Variants in GALNT12 observed in about 807,000 individuals in gnomAD.
GALNT12 encodes the protein polypeptide N-acetylgalactosaminyltransferase 12.
GALNT12 carries 45 observed loss-of-function variants against 55.5 expected under a neutral mutation model. That is an observed-to-expected ratio of 0.81 (90% CI 0.64 to 1.04). The LOEUF is 1.04. Among genes scored for constraint, GALNT12 ranks in the 50% least tolerant of loss-of-function variants. The pLI is 0.00. For missense variants in GALNT12, 709 were observed against 754.8 expected (o/e 0.94, Z 0.71); for synonymous variants, 304 against 312.2 (o/e 0.97, Z 0.28).
At chr9:98,828,684 T>G (rs1835918586) in intron 3 of GALNT12, among the ~76,000 whole-genome samples, 1 of 152,208 alleles carries the variant, frequency 6.6e-6, no homozygotes, top group Non-Finnish European at 1.5e-5. Flanking sequence ...TTTTAATTGT[T>G]GTGGGTAAAT....
chr9:98,817,526 C>T (rs896326339), intron 1 of GALNT12, among the ~76,000 whole-genome samples: 9 of 151,944 alleles, frequency 5.9e-5, no homozygotes, highest in African/African-American at 1.9e-4. Flanking sequence ...TGCAATGGCG[C>T]GATCTTGGCT....
At chr9:98,848,625 G>A in intron 9 of GALNT12, 1 of 376,232 alleles carries the variant, frequency 2.7e-6, no homozygotes, top group South Asian at 2.3e-5. Flanking sequence ...TGACCTAAGA[G>A]GAGTGAAAGA....
chr9:98,840,911 T>C (rs1311986800), intron 7 of GALNT12, among the ~76,000 whole-genome samples: 1 of 152,342 alleles, frequency 6.6e-6, no homozygotes, highest in East Asian at 1.9e-4. Flanking sequence ...CTCCTCTGCA[T>C]TTTATGCATT....
intron 1 of GALNT12, among the ~76,000 whole-genome samples, chr9:98,820,338 CAT>C (rs1190350328): frequency 3.3e-5 from 5 of 152,154 alleles, no homozygotes. Flanking sequence ...AAAGTGAGAA[CAT>C]GTGGTATTTG....
chr9:98,836,880 C>T, intron 5 of GALNT12, 92 bp from the exon 6 acceptor site: 4 of 1,371,250 alleles, frequency 2.9e-6, no homozygotes, highest in African/African-American at 2.8e-5. Context: ...TCCATCATGC[C>T]TTGCGTGTGC....
chr9:98,848,921 G>T, intron 9 of GALNT12, 31 bp from the exon 10 acceptor site: 3 of 1,613,906 alleles, frequency 1.9e-6, no homozygotes, highest in South Asian at 1.1e-5. Flanking sequence ...CTTTTCTGAT[G>T]ACTTGCCTGT....
At chr9:98,821,624 C>CAAAAAAAAAAAAAAAAATA (rs11467276) in intron 1 of GALNT12, among the ~76,000 whole-genome samples, 1 of 112,030 alleles carries the variant, frequency 8.9e-6, no homozygotes. Context: ...GACTCCATCT[C>CAAAAAAAAAAAAAAAAATA]AAAAAAAAAA....
rs534734119 is a variant in GALNT12, at chr9:98,847,115, G to A, written c.1605+992G>A. 8 of 152,222 alleles carry A rather than the reference G, an allele frequency of 5.3e-5. No individual in the cohort carries two copies. The South Asian group carries it at 1.0e-3, about 20-fold the overall frequency. 9.4% of individuals were successfully genotyped at this position (152,222 alleles called of 1,614,324 possible). ...CAGCTTGCATCAGGACTTGTAAATC[G>A]ATCATATCCTTTGACTCACTAAAAA... On this transcript the variant is annotated intron_variant, in intron 9 of 9. Coordinates refer to ENST00000375011, the MANE Select transcript of GALNT12 (RefSeq NM_024642.5).
chr9:98,849,331 T>G lies in GALNT12; in HGVS notation c.*239T>G. On this transcript the variant is annotated 3_prime_UTR_variant, in exon 10 of 10. Coordinates refer to ENST00000375011, the MANE Select transcript of GALNT12 (RefSeq NM_024642.5). ...ATACCCTATTTTCAAAGGGTAATCG[T>G]AAGATGTTAACCCTTGGTATTTAGA... 1.7e-6 allele frequency: 1 copy of G among 601,024 alleles called. No individual in the cohort carries two copies. The highest frequency in any genetic ancestry group is 2.1e-5 in the South Asian group (1 of 48,378). 37.2% of individuals were successfully genotyped at this position (601,024 alleles called of 1,614,324 possible). A position where few individuals can be genotyped will look rare whatever the true frequency, so the allele number is the denominator to read the frequency against.
chr9:98,839,959 G>T, intron 6 of GALNT12, 43 bp from the exon 7 acceptor site: 1 of 1,613,154 alleles, frequency 6.2e-7, no homozygotes, highest in South Asian at 1.1e-5. Context: ...TTGAAAGGAA[G>T]CACTAGGACC....
At chr9:98,818,476 C>T (rs373453999) in intron 1 of GALNT12, among the ~76,000 whole-genome samples, 257 of 152,192 alleles carry the variant, frequency 1.7e-3, no homozygotes, top group African/African-American at 5.9e-3. Context: ...CTGCCGGCCT[C>T]GGCCTTCCAA....
chr9:98,849,082 G>C lies in GALNT12; in HGVS notation c.1736G>C (p.Arg579Pro), dbSNP rs367620732. The C allele has an allele frequency of 6.2e-7, 1 of 1,614,142 alleles. No homozygotes were observed. Among genetic ancestry groups the C allele is most frequent in the Non-Finnish European group, 8.5e-7 (1 of 1,180,016 alleles). Residue 579 changes from arginine (R) to proline (P), a missense_variant, in exon 10 of 10, where the codon CGC becomes CCC. Around this residue, in one of 5 missense-constraint regions of GALNT12, gnomAD observed 262 missense variants for 310.7 expected, o/e 0.84. Transcript: ENST00000375011. Reference sequence around the variant, plus strand: ...CATCAGAAATGGTTCTTCAAAGAGCGCATGTTATGAAGCCTCGTGTATCAA... The same window carrying C: ...CATCAGAAATGGTTCTTCAAAGAGCCCATGTTATGAAGCCTCGTGTATCAA... ...SDHQKWFFKE[R>P]ML
rs1033932235 is a variant in GALNT12, at chr9:98,820,475, C to T, written c.372-2781C>T. ...CATTCCGTGGTCTACATATATACCACATTTTCTTTATCCAGTCTATCATTG... is the reference window on the plus strand; with the variant it reads ...CATTCCGTGGTCTACATATATACCATATTTTCTTTATCCAGTCTATCATTG... On this transcript the variant is annotated intron_variant, in intron 1 of 9. Coordinates refer to ENST00000375011, the MANE Select transcript of GALNT12 (RefSeq NM_024642.5). Among the ~76,000 whole-genome samples the T allele has an allele frequency of 2.6e-5, 4 of 152,210 alleles. No individual in the cohort carries two copies. The South Asian group carries it at 6.2e-4, about 24-fold the overall frequency.
chr9:98,823,827 G>C (rs1183297951), intron 2 of GALNT12, among the ~76,000 whole-genome samples: 1 of 152,194 alleles, frequency 6.6e-6, no homozygotes, highest in Admixed American at 6.5e-5. Context: ...GCGGGGAATG[G>C]CCAATGGCAG....
Position 98,826,852 on chromosome 9 carries a change from G to A in GALNT12, c.642G>A (p.Leu214=). 6.2e-7 allele frequency: 1 copy of A among 1,607,924 alleles called. No individual in the cohort carries two copies. Among genetic ancestry groups the A allele is most frequent in the South Asian group, 1.1e-5 (1 of 89,772 alleles). Residue 214 remains leucine (L), a synonymous_variant, in exon 3 of 10, where the codon CTG becomes CTA. Coordinates refer to ENST00000375011, the MANE Select transcript of GALNT12 (RefSeq NM_024642.5). ...KREGLVRARL[L]GASAARGDVL... ...AGGGCCTGGTGCGAGCCCGGCTGCTGGGGGCGTCTGCGGCGAGGGGCGATG... is the reference window on the plus strand; with the variant it reads ...AGGGCCTGGTGCGAGCCCGGCTGCTAGGGGCGTCTGCGGCGAGGGGCGATG...
In GALNT12 at chr9:98,831,868, C is replaced by T. The variant is rs768925908; in HGVS notation, c.828C>T (p.Ile276=). 58 of 1,614,010 alleles carry T rather than the reference C, an allele frequency of 3.6e-5. No individual in the cohort carries two copies. Among genetic ancestry groups the T allele is most frequent in the East Asian group, 4.5e-5 (2 of 44,870 alleles). Residue 276 remains isoleucine, a synonymous_variant, in exon 4 of 10, where the codon ATC becomes ATT. Coordinates refer to ENST00000375011, the MANE Select transcript of GALNT12 (RefSeq NM_024642.5). ...TGGGGAACTCCGGGGAGCCCCAGAT[C>T]GGCGGTTTCGACTGGAGGCTGGTGT... The part of the protein sequence containing the change: ...EYLGNSGEPQ[I]GGFDWRLVFT...
intron 1 of GALNT12, among the ~76,000 whole-genome samples, chr9:98,816,847 C>A (rs1235316713): frequency 7.8e-6 from 1 of 128,218 alleles, no homozygotes; most frequent in Non-Finnish European, 1.6e-5. Flanking sequence ...TTTTGAGACA[C>A]AGTCTTGCTC....
intron 2 of GALNT12, 27 bp from the exon 3 acceptor site, chr9:98,826,725 C>G (rs760779430): frequency 1.2e-6 from 2 of 1,605,308 alleles, no homozygotes; most frequent in Admixed American, 1.7e-5. Flanking sequence ...GTCACGGTGA[C>G]CCCTGTTGCT....
chr9:98,808,270 A>T (rs543376469), intron 1 of GALNT12, among the ~76,000 whole-genome samples: 1 of 152,244 alleles, frequency 6.6e-6, no homozygotes, highest in African/African-American at 2.4e-5. Context: ...AAAAAAAATT[A>T]CCAGAAATTG....
Sources: allele counts gnomAD v4.1 joint callset (sites outside exome capture counted in the v4.1 genomes callset), GRCh38; gene constraint gnomAD v4.1.1; regional missense constraint gnomAD v4.1.1; transcripts MANE v1.5; gene names NCBI Gene and HGNC (gene_info 2026-07-23, HGNC 2026-07-21).